Variants in PPP4R4 observed in about 807,000 individuals in gnomAD.
PPP4R4 encodes the protein protein phosphatase 4 regulatory subunit 4.
Under a neutral mutation model 121.8 loss-of-function variants are expected in PPP4R4, and 70 were observed. The ratio of observed to expected loss-of-function variants is 0.57; its 90% CI spans 0.47 to 0.70. The LOEUF is 0.70. Ranked by LOEUF, PPP4R4 falls within the 30% of genes least tolerant of loss-of-function variation. PPP4R4 has a pLI of 0.00. For synonymous variants in PPP4R4, 348 were observed against 355.7 expected, an observed-to-expected ratio of 0.98 and a Z score of 0.24; for missense variants, 875 against 1,033.6, an observed-to-expected ratio of 0.85 and a Z score of 2.10.
Position 94,265,731 on chromosome 14 carries a change from T to TG in PPP4R4, c.2285-58dup. 2.5e-6 allele frequency: 3 copies of TG among 1,195,396 alleles called. No individual in the cohort carries two copies. The East Asian group carries it at 7.1e-5, about 28-fold the overall frequency. The allele number at this position is 1,195,396 out of a possible 1,614,324, so 74.0% of individuals were successfully genotyped here. A position where few individuals can be genotyped will look rare whatever the true frequency, so the allele number is the denominator to read the frequency against. ...AAAATGATGGTAGTTGGGGAGGGAATGGGGGTTGGAGCAGCCGAGGATGAA... is the reference window on the plus strand; with the variant it reads ...AAAATGATGGTAGTTGGGGAGGGAATGGGGGGTTGGAGCAGCCGAGGATGAA... On this transcript the variant is annotated intron_variant, in intron 21 of 24. Transcript: ENST00000304338.
At chr14:94,218,402 C>T (rs1566664827) in intron 3 of PPP4R4, among the ~76,000 whole-genome samples, 1 of 118,828 alleles carries the variant, frequency 8.4e-6, no homozygotes, top group South Asian at 3.1e-4. Flanking sequence ...CACACACACA[C>T]CTCCTCACCC....
intron 16 of PPP4R4, among the ~76,000 whole-genome samples, chr14:94,254,950 C>G (rs1052247247): frequency 2.6e-5 from 4 of 152,170 alleles, no homozygotes; most frequent in African/African-American, 4.8e-5. Context: ...GTCCTTTTAT[C>G]CTTTTCTTCT....
chr14:94,247,509 CCTACTGAAA>C (rs1892958617), intron 14 of PPP4R4, among the ~76,000 whole-genome samples: 1 of 152,360 alleles, frequency 6.6e-6, no homozygotes, highest in East Asian at 1.9e-4. Context: ...TGGAATCAAT[CCTACTGAAA>C]CTATTCAAAA....
In PPP4R4 at chr14:94,174,496, G is replaced by T. The variant is rs1269104121; in HGVS notation, c.31G>T (p.Asp11Tyr). Residue 11 changes from aspartate to tyrosine, a missense_variant, in exon 1 of 25, where the codon GAT becomes TAT. Coordinates refer to ENST00000304338, the MANE Select transcript of PPP4R4 (RefSeq NM_058237.2). ...TCCGCCGCCGCCCGCCGCCGCGATGGATTTCAGTCAGAACAGCCTGTTCGG... is the reference window on the plus strand; with the variant it reads ...TCCGCCGCCGCCCGCCGCCGCGATGTATTTCAGTCAGAACAGCCTGTTCGG... MHPPPPAAAM[D>Y]FSQNSLFGYM... is the part of the protein sequence containing the mutation. 4 of 1,609,292 alleles carry T rather than the reference G, an allele frequency of 2.5e-6. No homozygotes were observed. The South Asian group carries it at 3.3e-5, about 13-fold the overall frequency.
chr14:94,271,707 G>A (rs1358844260), intron 23 of PPP4R4, among the ~76,000 whole-genome samples: 1 of 152,164 alleles, frequency 6.6e-6, no homozygotes, highest in African/African-American at 2.4e-5. Context: ...AATTGTCTTT[G>A]ATCACAGATA....
Position 94,241,957 on chromosome 14 carries a change from G to T in PPP4R4, c.1146G>T (p.Pro382=). The part of the protein sequence containing the change: ...SVRKNCAYNF[P]AMIVFVDPKN... ...GGAAGAACTGTGCTTATAACTTTCC[G>T]GTAATAAATATGTATTTATATTTAC... The change falls in exon 10 of 25, where the codon CCG becomes CCT. Residue 382 remains proline (P), a splice_region_variant and synonymous_variant. Transcript: ENST00000304338. 2 of 1,578,642 alleles carry T rather than the reference G, an allele frequency of 1.3e-6. No individual in the cohort carries two copies. The highest frequency in any genetic ancestry group is 1.7e-6 in the Non-Finnish European group (2 of 1,162,520).
At chr14:94,202,441 G>A (rs1415163436) in intron 2 of PPP4R4, among the ~76,000 whole-genome samples, 1 of 152,178 alleles carries the variant, frequency 6.6e-6, no homozygotes, top group Non-Finnish European at 1.5e-5. Flanking sequence ...TAAAGAAGTG[G>A]TAATGGTCAA....
intron 8 of PPP4R4, among the ~76,000 whole-genome samples, chr14:94,238,747 C>T (rs1452611970): frequency 6.6e-6 from 1 of 152,126 alleles, no homozygotes; most frequent in African/African-American, 2.4e-5. Flanking sequence ...TATAGTATTA[C>T]ATTTACTTGG....
At chr14:94,276,195 T>C (rs1383942107) in intron 24 of PPP4R4, among the ~76,000 whole-genome samples, 5 of 152,244 alleles carry the variant, frequency 3.3e-5, no homozygotes, top group Non-Finnish European at 7.3e-5. Flanking sequence ...CCATTTCATA[T>C]AGGACACCTG....
intron 2 of PPP4R4, among the ~76,000 whole-genome samples, chr14:94,193,741 A>G (rs1889721714): frequency 1.3e-5 from 2 of 152,176 alleles, no homozygotes; most frequent in Admixed American, 1.3e-4. Context: ...ATAAGAGTTA[A>G]TGGCCAATAA....
At chr14:94,199,294 G>C (rs1056779554) in intron 2 of PPP4R4, among the ~76,000 whole-genome samples, 16 of 152,244 alleles carry the variant, frequency 1.1e-4, no homozygotes, top group South Asian at 4.1e-4. Flanking sequence ...GGCGTGCAGT[G>C]GGGGAGTGGC....
chr14:94,230,567 A>C lies in PPP4R4; in HGVS notation c.295-20A>C. ...TGATCTCTCATCTATGTAAATAGCAAACTCTTTCTGATTATACAGGAAGCC... is the reference window on the plus strand; with the variant it reads ...TGATCTCTCATCTATGTAAATAGCACACTCTTTCTGATTATACAGGAAGCC... On this transcript the variant is annotated intron_variant, in intron 3 of 24. Transcript: ENST00000304338. 2 of 1,588,786 alleles carry C rather than the reference A, an allele frequency of 1.3e-6. No individual in the cohort carries two copies. The highest frequency in any genetic ancestry group is 1.7e-6 in the Non-Finnish European group (2 of 1,167,592).
chr14:94,256,422 A>G, intron 16 of PPP4R4, 38 bp from the exon 17 acceptor site: 1 of 1,490,404 alleles, frequency 6.7e-7, no homozygotes, highest in African/African-American at 1.4e-5. Context: ...ATTCTTAGTT[A>G]TTAACTTCAC....
intron 2 of PPP4R4, among the ~76,000 whole-genome samples, chr14:94,194,795 G>T (rs139927621): frequency 7.2e-5 from 11 of 152,178 alleles, no homozygotes; most frequent in African/African-American, 2.4e-4. Flanking sequence ...TACTGATTAT[G>T]ACTAAAGTCA....
At chr14:94,222,846 C>G (rs558622991) in intron 3 of PPP4R4, among the ~76,000 whole-genome samples, 3 of 152,070 alleles carry the variant, frequency 2.0e-5, no homozygotes, top group African/African-American at 7.2e-5. Context: ...CTAATCTTCT[C>G]TCTCTCCTCC....
chr14:94,219,742 A>G (rs776722107), intron 3 of PPP4R4, among the ~76,000 whole-genome samples: 9 of 152,212 alleles, frequency 5.9e-5, no homozygotes, highest in South Asian at 2.1e-4. Context: ...GAACACCACC[A>G]TCTAATCATC....
chr14:94,248,933 C>T (rs1229828731), intron 14 of PPP4R4, among the ~76,000 whole-genome samples: 3 of 151,846 alleles, frequency 2.0e-5, no homozygotes, highest in Admixed American at 6.6e-5. Flanking sequence ...TGTTGACTCT[C>T]TTTTAGATAA....
At chr14:94,253,601 A>G (rs187060945) in intron 16 of PPP4R4, among the ~76,000 whole-genome samples, 10 of 152,382 alleles carry the variant, frequency 6.6e-5, no homozygotes, top group African/African-American at 2.4e-4. Context: ...CTTATCAGGC[A>G]GTTGACAAAA....
At chr14:94,227,978 A>G (rs1411204102) in intron 3 of PPP4R4, 2 of 680,294 alleles carry the variant, frequency 2.9e-6, no homozygotes, top group African/African-American at 3.9e-5. Context: ...GATTTCAGAG[A>G]CCACTTGCTG....
Sources: gnomAD v4.1 joint callset for allele counts (sites outside exome capture counted in the v4.1 genomes callset) on GRCh38, gnomAD v4.1.1 for gene constraint, MANE v1.5 for transcripts, NCBI Gene and HGNC (gene_info 2026-07-23, HGNC 2026-07-21) for gene names.